EVA1C: variants seen among roughly 807,000 people sequenced by gnomAD.
EVA1C encodes the protein protein eva-1 homolog C.
EVA1C carries 25 observed loss-of-function variants against 45.4 expected under a neutral mutation model. The observed-to-expected ratio is 0.55, with a 90% CI of 0.40 to 0.77. The LOEUF (loss-of-function observed/expected upper bound fraction) is 0.77. Among genes scored for constraint, EVA1C ranks in the 30% least tolerant of loss-of-function variants. The pLI, the probability that EVA1C is intolerant of heterozygous loss-of-function variation, is 0.00. For missense variants in EVA1C, 479 were observed against 554.8 expected (o/e 0.86, Z 1.37); for synonymous variants, 190 against 221.2 (o/e 0.86, Z 1.25).
intron 1 of EVA1C, among the ~76,000 whole-genome samples, chr21:32,448,999 G>A (rs1451623427): frequency 6.7e-6 from 1 of 150,062 alleles, no homozygotes; most frequent in Non-Finnish European, 1.5e-5. Context: ...AAGAAAGAAA[G>A]GAGGGAGGGT....
At chr21:32,490,349 T>G (rs2037115230) in intron 4 of EVA1C, among the ~76,000 whole-genome samples, 1 of 152,212 alleles carries the variant, frequency 6.6e-6, no homozygotes, top group African/African-American at 2.4e-5. Context: ...GTGACTGGCT[T>G]ACTTCACTTA....
At chr21:32,500,322 G>T (rs557527270) in intron 5 of EVA1C, among the ~76,000 whole-genome samples, 2 of 143,084 alleles carry the variant, frequency 1.4e-5, no homozygotes, top group African/African-American at 5.1e-5. Context: ...GCTAATTTTT[G>T]TATCTTTTAG....
intron 1 of EVA1C, among the ~76,000 whole-genome samples, chr21:32,437,139 G>A (rs2034986513): frequency 6.6e-6 from 1 of 152,014 alleles, no homozygotes; most frequent in African/African-American, 2.4e-5. Flanking sequence ...CAGCCTGGGC[G>A]ACAGAGCGAG....
rs1280761364 is a variant in EVA1C at position 32,488,066 on chromosome 21, A to C, written c.635-6961A>C. 2.6e-5 allele frequency among the ~76,000 whole-genome samples: 4 copies of C among 152,300 alleles called. No individual in the cohort carries two copies. In the East Asian group the frequency reaches 7.7e-4, roughly 29 times the overall value. Reference sequence around the variant, plus strand: ...GTCAGTGTAAGTTTTCAGCATAAACAATCAAAGGACATCATCAGAGATTAA... The same window carrying C: ...GTCAGTGTAAGTTTTCAGCATAAACCATCAAAGGACATCATCAGAGATTAA... On this transcript the variant is annotated intron_variant, in intron 4 of 7. Transcript: ENST00000300255.
intron 6 of EVA1C, 79 bp downstream of exon 6, chr21:32,501,574 C>T (rs1372121049): frequency 1.5e-5 from 23 of 1,557,778 alleles, no homozygotes; most frequent in Non-Finnish European, 1.9e-5. Flanking sequence ...TTGGGCACAC[C>T]TTGGTTAGAA....
At chr21:32,439,239 C>CAAAAAAA (rs376611535) in intron 1 of EVA1C, among the ~76,000 whole-genome samples, 2 of 110,790 alleles carry the variant, frequency 1.8e-5, no homozygotes, top group Non-Finnish European at 1.7e-5. Context: ...GACTACATCT[C>CAAAAAAA]AAAAAAAAAG....
chr21:32,457,550 CTG>C, intron 2 of EVA1C, 45 bp from the exon 3 acceptor site: 1 of 1,612,794 alleles, frequency 6.2e-7, no homozygotes, highest in Non-Finnish European at 8.5e-7. Context: ...CTGGCAGTCA[CTG>C]TGAGCAGTTT....
At chr21:32,507,383 TGCATGTGC>T (rs2037755645) in intron 7 of EVA1C, among the ~76,000 whole-genome samples, 1 of 149,676 alleles carries the variant, frequency 6.7e-6, no homozygotes, top group African/African-American at 2.5e-5. Context: ...TGTGCATGTG[TGCATGTGC>T]GTCTGTGAGC....
At chr21:32,497,741 A>C (rs559658511) in intron 5 of EVA1C, among the ~76,000 whole-genome samples, 69 of 152,316 alleles carry the variant, frequency 4.5e-4, no homozygotes, top group African/African-American at 1.6e-3. Context: ...TTACAGTTCC[A>C]CATGGCTAGG....
chr21:32,513,823 G>C (rs2038048333), intron 7 of EVA1C, among the ~76,000 whole-genome samples: 1 of 152,082 alleles, frequency 6.6e-6, no homozygotes, highest in Non-Finnish European at 1.5e-5. Context: ...TTACCAGCGT[G>C]AGCCACGACA....
intron 1 of EVA1C, among the ~76,000 whole-genome samples, chr21:32,440,806 G>C (rs2035146494): frequency 6.6e-6 from 1 of 152,120 alleles, no homozygotes; most frequent in Non-Finnish European, 1.5e-5. Context: ...ATTCATTCAA[G>C]AGCTGTTCAT....
rs75187265 is a variant in EVA1C at position 32,473,808 on chromosome 21, G to A, written c.634+5960G>A. The A allele has an allele frequency of 7.5e-3, 3,542 of 472,170 alleles. 123 individuals carry two copies. The highest frequency in any genetic ancestry group is 0.07 in the African/African-American group (3,296 of 47,236). The allele number at this position is 472,170 out of a possible 1,614,324, so 29.2% of individuals were successfully genotyped here. A position where few individuals can be genotyped will look rare whatever the true frequency, so the allele number is the denominator to read the frequency against. On this transcript the variant is annotated intron_variant, in intron 4 of 7. Coordinates refer to ENST00000300255, the MANE Select transcript of EVA1C (RefSeq NM_058187.5). ...GGTCTATCTGAGCCAAGGAGAAAAT[G>A]CCCTTAGCACTGTCCTGAACGGTGA...
At chr21:32,512,082 T>C (rs1168754711) in intron 7 of EVA1C, among the ~76,000 whole-genome samples, 1 of 151,290 alleles carries the variant, frequency 6.6e-6, no homozygotes, top group African/African-American at 2.4e-5. Flanking sequence ...AGACGGAAAA[T>C]AAAACTATAT....
intron 4 of EVA1C, among the ~76,000 whole-genome samples, chr21:32,478,806 C>T (rs1050082172): frequency 6.6e-6 from 1 of 152,206 alleles, no homozygotes; most frequent in Admixed American, 6.5e-5. Context: ...TTACATTTTC[C>T]GGGTGAGCTC....
At chr21:32,498,257 G>GAA (rs1210871683) in intron 5 of EVA1C, among the ~76,000 whole-genome samples, 1 of 152,116 alleles carries the variant, frequency 6.6e-6, no homozygotes, top group African/African-American at 2.4e-5. Flanking sequence ...GACCAGCCTG[G>GAA]AAAACATGGT....
chr21:32,470,322 C>T (rs767943871), intron 4 of EVA1C, among the ~76,000 whole-genome samples: 17 of 152,298 alleles, frequency 1.1e-4, no homozygotes, highest in African/African-American at 2.6e-4. Context: ...CCCCGTATTC[C>T]GGGAAGGCCC....
intron 4 of EVA1C, among the ~76,000 whole-genome samples, chr21:32,478,896 G>A (rs971264993): frequency 2.0e-4 from 31 of 152,372 alleles, no homozygotes; most frequent in African/African-American, 7.5e-4. Context: ...AGGCCACTCC[G>A]AGGCCAAGTG....
At chr21:32,513,142 T>G (rs773633813) in intron 7 of EVA1C, among the ~76,000 whole-genome samples, 1 of 149,542 alleles carries the variant, frequency 6.7e-6, no homozygotes. Flanking sequence ...AATATCATTA[T>G]AGTAGTATTA....
intron 3 of EVA1C, among the ~76,000 whole-genome samples, chr21:32,463,201 TA>T (rs2036061823): frequency 6.6e-6 from 1 of 152,186 alleles, no homozygotes; most frequent in Non-Finnish European, 1.5e-5. Flanking sequence ...ACCAACCTAA[TA>T]AAATGAGGAG....
Sources: gnomAD v4.1 joint callset for allele counts (sites outside exome capture counted in the v4.1 genomes callset) on GRCh38, gnomAD v4.1.1 for gene constraint, MANE v1.5 for transcripts, NCBI Gene and HGNC (gene_info 2026-07-23, HGNC 2026-07-21) for gene names.